The following DAAM2 variants were observed in gnomAD, a reference collection of about 807,000 sequenced individuals.
The protein encoded by DAAM2 is disheveled-associated activator of morphogenesis 2.
Under a neutral mutation model 120.7 loss-of-function variants are expected in DAAM2, and 39 were observed. That is an observed-to-expected ratio of 0.32 (90% CI 0.25 to 0.42). The LOEUF is 0.42. Among genes scored for constraint, DAAM2 ranks in the 10% least tolerant of loss-of-function variants. The pLI, the probability that DAAM2 is intolerant of heterozygous loss-of-function variation, is 1.00. For missense variants in DAAM2, 1,283 were observed against 1,401.7 expected, an observed-to-expected ratio of 0.92 and a Z score of 1.35; for synonymous variants, 488 against 524.9, an observed-to-expected ratio of 0.93 and a Z score of 0.96.
intron 8 of DAAM2, among the ~76,000 whole-genome samples, 168 bp downstream of exon 8, chr6:39,870,611 CTT>C (rs1263584041): frequency 7.2e-5 from 11 of 152,214 alleles, no homozygotes; most frequent in Admixed American, 6.5e-4. Context: ...TGCCTGTCCT[CTT>C]TGCTGACCTG....
chr6:39,847,583 G>A (rs984152820), intron 1 of DAAM2, among the ~76,000 whole-genome samples: 1 of 152,032 alleles, frequency 6.6e-6, no homozygotes, highest in East Asian at 1.9e-4. Flanking sequence ...AGCTCTCCAT[G>A]CTCCCCAGGT....
chr6:39,870,175 G>A (rs912702147), intron 7 of DAAM2, among the ~76,000 whole-genome samples, 165 bp from the exon 8 acceptor site: 1 of 152,098 alleles, frequency 6.6e-6, no homozygotes, highest in African/African-American at 2.4e-5. Flanking sequence ...TAAGAAATAA[G>A]GTCTCCATTC....
At chr6:39,863,560 G>A (rs1764302625) in intron 3 of DAAM2, among the ~76,000 whole-genome samples, 1 of 152,178 alleles carries the variant, frequency 6.6e-6, no homozygotes, top group Non-Finnish European at 1.5e-5. Context: ...GGAAGCAGGA[G>A]AGTGGAGAAA....
intron 3 of DAAM2, among the ~76,000 whole-genome samples, chr6:39,863,596 G>A (rs1764303879): frequency 1.3e-5 from 2 of 152,176 alleles, no homozygotes; most frequent in Non-Finnish European, 2.9e-5. Flanking sequence ...CCTCCAAAGT[G>A]ACCTGGGGCA....
intron 1 of DAAM2, among the ~76,000 whole-genome samples, chr6:39,816,306 A>T (rs1244157684): frequency 6.6e-6 from 1 of 152,218 alleles, no homozygotes; most frequent in Non-Finnish European, 1.5e-5. Context: ...ATTGCTCTAT[A>T]AATGTTCTCC....
Position 39,878,074 on chromosome 6 carries a change from C to T in DAAM2, c.1302-129C>T. 2 of 885,382 alleles carry T rather than the reference C, an allele frequency of 2.3e-6. No individual in the cohort carries two copies. Among genetic ancestry groups the T allele is most frequent in the Non-Finnish European group, 3.5e-6 (2 of 572,294 alleles). The allele number at this position is 885,382 out of a possible 1,614,324, so 54.8% of individuals were successfully genotyped here. A position where few individuals can be genotyped will look rare whatever the true frequency, so the allele number is the denominator to read the frequency against. On this transcript the variant is annotated intron_variant, in intron 11 of 24. Coordinates refer to ENST00000274867, the MANE Select transcript of DAAM2 (RefSeq NM_001201427.2). This position sits in a 1 kb window ranked among gnomAD's most constrained non-coding sequence, Gnocchi z 5.0. ...GACACCTGGGAAGTCTAAATCCTAG[C>T]CCCCTTGATGTGGCTGGACAGATTG...
chr6:39,814,521 G>A (rs1334546522), intron 1 of DAAM2, among the ~76,000 whole-genome samples: 1 of 152,184 alleles, frequency 6.6e-6, no homozygotes, highest in Non-Finnish European at 1.5e-5. Flanking sequence ...TACAGATTTG[G>A]AAACTAAAGT....
intron 8 of DAAM2, among the ~76,000 whole-genome samples, chr6:39,870,783 T>A (rs750375375): frequency 6.6e-6 from 1 of 152,210 alleles, no homozygotes; most frequent in Non-Finnish European, 1.5e-5. Flanking sequence ...GGGCCAGGAA[T>A]GCTAAATGTC....
intron 1 of DAAM2, among the ~76,000 whole-genome samples, chr6:39,798,397 G>A (rs933430245): frequency 6.6e-6 from 1 of 152,156 alleles, no homozygotes; most frequent in Non-Finnish European, 1.5e-5. Flanking sequence ...GTAGTTACTA[G>A]CAATCAGCCA....
In DAAM2 at chr6:39,878,416, T is replaced by C; in HGVS notation, c.1373T>C (p.Leu458Pro). 6.2e-7 allele frequency: 1 copy of C among 1,612,066 alleles called. No individual in the cohort carries two copies. The highest frequency in any genetic ancestry group is 1.7e-5 in the Admixed American group (1 of 59,730). The change falls in exon 13 of 25, where the codon CTT becomes CCT. Residue 458 changes from leucine to proline, a missense_variant. Leu to Pro is a moderately conservative substitution (Grantham distance 98). Coordinates refer to ENST00000274867, the MANE Select transcript of DAAM2 (RefSeq NM_001201427.2). The surrounding 1 kb of genome is among the most constrained non-coding windows in gnomAD (Gnocchi z 5.0). Reference protein sequence around the residue: ...AEKFRKEHMELVSRLERKERE... With the variant: ...AEKFRKEHMEPVSRLERKERE... Reference sequence around the variant, plus strand: ...ACCCCCATTCCAGAACACATGGAGCTTGTGAGCCGTCTGGAGAGGAAGGAG... The same window carrying C: ...ACCCCCATTCCAGAACACATGGAGCCTGTGAGCCGTCTGGAGAGGAAGGAG...
intron 7 of DAAM2, 111 bp downstream of exon 7, chr6:39,869,044 G>T: frequency 1.2e-6 from 1 of 821,862 alleles, no homozygotes; most frequent in East Asian, 2.7e-5. Flanking sequence ...ACCTGGGAGG[G>T]CTCCTGGGGA....
At position 39,904,855 on chromosome 6, in the gene DAAM2, T is replaced by C. The variant is rs966816102; in HGVS notation, c.*2818T>C. On this transcript the variant is annotated 3_prime_UTR_variant, in exon 25 of 25. Coordinates refer to ENST00000274867, the MANE Select transcript of DAAM2 (RefSeq NM_001201427.2). ...GTAATACTAAAAAATATTAAATTCATACCATCCCTACCCAGTCTGCCTTTA... is the reference window on the plus strand; with the variant it reads ...GTAATACTAAAAAATATTAAATTCACACCATCCCTACCCAGTCTGCCTTTA... 2.4e-5 allele frequency: 11 copies of C among 453,996 alleles called. 2 individuals carry two copies. Among genetic ancestry groups the C allele is most frequent in the African/African-American group, 1.2e-4 (6 of 50,004 alleles). The allele number at this position is 453,996 out of a possible 1,614,324, so 28.1% of individuals were successfully genotyped here. A position where few individuals can be genotyped will look rare whatever the true frequency, so the allele number is the denominator to read the frequency against.
intron 1 of DAAM2, among the ~76,000 whole-genome samples, chr6:39,854,369 C>T (rs550280024): frequency 1.9e-3 from 285 of 152,232 alleles, no homozygotes; most frequent in Middle Eastern, 3.4e-3. Flanking sequence ...GTCAAAGAAG[C>T]AGGAGACACA....
chr6:39,871,528 G>A lies in DAAM2; in HGVS notation c.1000G>A (p.Val334Met), dbSNP rs1370362900. The change falls in exon 9 of 25, where the codon GTG becomes ATG. Residue 334 changes from valine (V) to methionine (M), a missense_variant. Physicochemically the swap from Val to Met is conservative, Grantham distance 21. Coordinates refer to ENST00000274867, the MANE Select transcript of DAAM2 (RefSeq NM_001201427.2). The stretch of plus-strand genomic sequence containing the variant: ...TAGACATTTAGACTTCTTCGAGATG[G>A]TGCGGAATGAGGATGACCTGGAGCT... Reference protein sequence around the residue: ...LDKHLDFFEMVRNEDDLELAR... With the variant: ...LDKHLDFFEMMRNEDDLELAR... 1 of 1,551,610 alleles carries A rather than the reference G, an allele frequency of 6.4e-7. No homozygotes were observed. Among genetic ancestry groups the A allele is most frequent in the African/African-American group, 1.4e-5 (1 of 73,150 alleles).
chr6:39,880,634 A>G (rs1254044510), intron 14 of DAAM2, among the ~76,000 whole-genome samples: 1 of 151,124 alleles, frequency 6.6e-6, no homozygotes, highest in African/African-American at 2.5e-5. Flanking sequence ...ACCTCTGTAA[A>G]TCACTCAACT....
At chr6:39,831,938 GCCGGGGC>G (rs1762922783) in intron 1 of DAAM2, among the ~76,000 whole-genome samples, 9 of 101,536 alleles carry the variant, frequency 8.9e-5, no homozygotes, top group African/African-American at 1.7e-4. Flanking sequence ...CAGTGCGAGG[GCCGGGGC>G]ACTGGAGGGT....
In DAAM2 at chr6:39,904,413, G is replaced by A. The variant is rs1419326830; in HGVS notation, c.*2376G>A. ...GGGCTGGTGCCCAGTCGGGGTGGCT[G>A]AGCTGGTCCTTAATAGGTTGTTTCT... On this transcript the variant is annotated 3_prime_UTR_variant, in exon 25 of 25. Coordinates refer to ENST00000274867, the MANE Select transcript of DAAM2 (RefSeq NM_001201427.2). The A allele has an allele frequency of 2.2e-6, 1 of 455,478 alleles. No homozygotes were observed. The allele number at this position is 455,478 out of a possible 1,614,324, so 28.2% of individuals were successfully genotyped here. A position where few individuals can be genotyped will look rare whatever the true frequency, so the allele number is the denominator to read the frequency against.
chr6:39,884,584 C>T, intron 15 of DAAM2: 1 of 155,020 alleles, frequency 6.5e-6, no homozygotes, highest in Non-Finnish European at 1.4e-5. Context: ...GAAGGTGCTG[C>T]TCCATGTCAC....
At chr6:39,843,226 G>T (rs916477138) in intron 1 of DAAM2, among the ~76,000 whole-genome samples, 1 of 152,132 alleles carries the variant, frequency 6.6e-6, no homozygotes, top group African/African-American at 2.4e-5. Flanking sequence ...CTGCCCTCTA[G>T]GAATTTCAGT....
Sources: gnomAD v4.1 joint callset for allele counts (sites outside exome capture counted in the v4.1 genomes callset) on GRCh38, gnomAD v4.1.1 for gene constraint, Gnocchi (gnomAD v3.1) non-coding constraint, MANE v1.5 for transcripts, NCBI Gene and HGNC (gene_info 2026-07-23, HGNC 2026-07-21) for gene names.